Variants in ZNF385D observed in about 807,000 individuals in gnomAD.
The protein encoded by ZNF385D is zinc finger protein 385D, also known as zinc finger protein 659.
ZNF385D carries 15 observed loss-of-function variants against 35.8 expected under a neutral mutation model. That is an observed-to-expected ratio of 0.42 (90% CI 0.28 to 0.64). The LOEUF (loss-of-function observed/expected upper bound fraction) is 0.64. Among genes scored for constraint, ZNF385D ranks in the 30% least tolerant of loss-of-function variants. The pLI is 0.23. For missense variants in ZNF385D, 474 were observed against 494.6 expected (o/e 0.96, Z 0.39); for synonymous variants, 212 against 186.8 (o/e 1.13, Z -1.10).
intron 5 of ZNF385D, chr3:21,431,160 A>C (rs908528049): frequency 1.3e-5 from 2 of 152,168 alleles, no homozygotes; most frequent in Non-Finnish European, 2.9e-5. Context: ...CCCAGGTTGA[A>C]CTTTCCACTG....
Position 21,480,756 on chromosome 3 carries a change from A to G in ZNF385D, c.439+30105T>C, listed in dbSNP as rs369601012. On this transcript the variant is annotated intron_variant, in intron 4 of 7. Coordinates refer to ENST00000281523, the MANE Select transcript of ZNF385D (RefSeq NM_024697.3). The stretch of plus-strand genomic sequence containing the variant: ...GAATATGCTCATCTTCCAATAATCT[A>G]TTTTAATTCAGAGAATATAGATCAT... 2.1e-3 allele frequency among the ~76,000 whole-genome samples: 314 copies of G among 152,284 alleles called. 2 individuals are homozygous for G. Among genetic ancestry groups the G allele is most frequent in the African/African-American group, 7.2e-3 (300 of 41,564 alleles).
chr3:21,441,048 C>T (rs1396256824), intron 4 of ZNF385D, among the ~76,000 whole-genome samples: 3 of 151,916 alleles, frequency 2.0e-5, no homozygotes, highest in Non-Finnish European at 4.4e-5. Context: ...AAGTTCTGTC[C>T]CAAGCCACTG....
intron 3 of ZNF385D, among the ~76,000 whole-genome samples, chr3:22,064,566 G>T (rs958380915): frequency 6.6e-6 from 1 of 152,160 alleles, no homozygotes; most frequent in Non-Finnish European, 1.5e-5. Context: ...AACAGATAAA[G>T]AAAATGGGGT....
At chr3:22,196,581 C>T (rs544643956) in intron 2 of ZNF385D, among the ~76,000 whole-genome samples, 1 of 151,652 alleles carries the variant, frequency 6.6e-6, no homozygotes, top group East Asian at 1.9e-4. Flanking sequence ...TATTTCTTAT[C>T]CCAGAGATTA....
chr3:21,863,320 A>G lies in ZNF385D; in HGVS notation c.326-198292T>C, dbSNP rs551977017. On this transcript the variant is annotated intron_variant, in intron 3 of 5. Coordinates refer to the ZNF385D transcript ENST00000494108. ...CAAAATTGTTGACATTCTTTTAAAA[A>G]TAAGTGTAAGCATTTCATTATAACT... Among the ~76,000 whole-genome samples the G allele has an allele frequency of 2.6e-5, 4 of 152,310 alleles. No individual in the cohort carries two copies. In the South Asian group the frequency reaches 6.2e-4, roughly 24 times the overall value.
chr3:21,960,734 A>G (rs1261972706), intron 3 of ZNF385D, among the ~76,000 whole-genome samples: 1 of 152,150 alleles, frequency 6.6e-6, no homozygotes, highest in African/African-American at 2.4e-5. Context: ...ATATATATAT[A>G]CACAATGGAA....
chr3:21,709,938 T>C (rs963786471), intron 1 of ZNF385D, among the ~76,000 whole-genome samples: 42 of 152,264 alleles, frequency 2.8e-4, no homozygotes, highest in Non-Finnish European at 4.7e-4. Context: ...GGCACACCCA[T>C]ACGTGGAATT....
chr3:21,841,964 ATATATAATTGAATC>A (rs1338012098), intron 3 of ZNF385D, among the ~76,000 whole-genome samples: 1 of 151,662 alleles, frequency 6.6e-6, no homozygotes, highest in East Asian at 1.9e-4. Context: ...ACAAACACAC[ATATATAATTGAATC>A]TATATAATTG....
chr3:22,190,764 G>T (rs1695964860), intron 2 of ZNF385D, among the ~76,000 whole-genome samples: 1 of 152,036 alleles, frequency 6.6e-6, no homozygotes, highest in African/African-American at 2.4e-5. Context: ...ACTAAGTTCT[G>T]TAACAAAGGT....
chr3:21,597,643 C>T (rs557704872), intron 2 of ZNF385D, among the ~76,000 whole-genome samples: 82 of 144,470 alleles, frequency 5.7e-4, no homozygotes, highest in South Asian at 1.1e-3. Flanking sequence ...GGCAATTACA[C>T]GTGAAAATAG....
chr3:21,981,120 T>C (rs1694419051), intron 3 of ZNF385D, among the ~76,000 whole-genome samples: 1 of 152,106 alleles, frequency 6.6e-6, no homozygotes, highest in Non-Finnish European at 1.5e-5. Context: ...AGTTGTACTT[T>C]TAGCTCACTG....
chr3:22,267,097 A>T (rs2125354960), intron 2 of ZNF385D, among the ~76,000 whole-genome samples: 1 of 152,084 alleles, frequency 6.6e-6, no homozygotes, highest in East Asian at 1.9e-4. Flanking sequence ...TACCTAATCA[A>T]TTGCTTACGT....
At chr3:21,880,728 T>A (rs776057759) in intron 3 of ZNF385D, among the ~76,000 whole-genome samples, 1 of 151,978 alleles carries the variant, frequency 6.6e-6, no homozygotes, top group Non-Finnish European at 1.5e-5. Context: ...TGTCAAAAGC[T>A]GATACAGACT....
chr3:22,089,198 T>C (rs1331817099), intron 3 of ZNF385D, among the ~76,000 whole-genome samples: 2 of 152,154 alleles, frequency 1.3e-5, no homozygotes, highest in Non-Finnish European at 2.9e-5. Flanking sequence ...CTGTAAACTG[T>C]TTACCATTAG....
In ZNF385D at chr3:22,338,012, T is replaced by C. The variant is rs75898474; in HGVS notation, c.106+34438A>G. On this transcript the variant is annotated intron_variant, in intron 2 of 5. Transcript: ENST00000494108. ...GGTTTATGTGGCTGCAGCACAGAAC[T>C]AAAATTTTTTCTCATCCATAAGTCA... 2.0e-3 allele frequency among the ~76,000 whole-genome samples: 310 copies of C among 152,324 alleles called. 1 individual carries two copies. The highest frequency in any genetic ancestry group is 7.2e-3 in the African/African-American group (299 of 41,576).
chr3:22,297,237 A>G (rs532166409), intron 2 of ZNF385D, among the ~76,000 whole-genome samples: 1 of 152,058 alleles, frequency 6.6e-6, no homozygotes, highest in African/African-American at 2.4e-5. Context: ...TCGCAACCCC[A>G]GATCCCCCCA....
intron 2 of ZNF385D, among the ~76,000 whole-genome samples, chr3:21,601,385 A>G (rs1313181256): frequency 1.3e-5 from 2 of 152,236 alleles, no homozygotes; most frequent in African/African-American, 2.4e-5. Flanking sequence ...CATTAGCATG[A>G]ACACTTCCAA....
At chr3:21,542,854 A>G (rs2062225216) in intron 3 of ZNF385D, 1 of 152,254 alleles carries the variant, frequency 6.6e-6, no homozygotes, top group Admixed American at 6.5e-5. Context: ...TTCACTCGAT[A>G]AAACCCTGCT....
intron 3 of ZNF385D, among the ~76,000 whole-genome samples, chr3:21,939,438 CAGAA>C: frequency 6.6e-6 from 1 of 151,912 alleles, no homozygotes; most frequent in Non-Finnish European, 1.5e-5. Context: ...CCATAGAACT[CAGAA>C]AGAATTTAGG....
Sources: allele counts gnomAD v4.1 joint callset (sites outside exome capture counted in the v4.1 genomes callset), GRCh38; gene constraint gnomAD v4.1.1; transcripts MANE v1.5; gene names NCBI Gene and HGNC (gene_info 2026-07-23, HGNC 2026-07-21).